FIRRM: variants seen among roughly 807,000 people sequenced by gnomAD.
FIRRM encodes FIGNL1 interacting regulator of recombination and mitosis.
chr1:169,800,193 G>A, the FIRRM span, among the ~76,000 whole-genome samples: 8 of 152,196 alleles, frequency 5.3e-5, no homozygotes, highest in South Asian at 2.1e-4. Flanking sequence ...GCTACCATGC[G>A]TGGCTAATTT....
At chr1:169,795,090 G>T in the FIRRM span, 11 of 1,534,430 alleles carry the variant, frequency 7.2e-6, no homozygotes, top group South Asian at 9.5e-5. Context: ...AAGCTCTCCT[G>T]TTTGACGAAA....
At chr1:169,815,652 C>T in the FIRRM span, among the ~76,000 whole-genome samples, 1 of 152,222 alleles carries the variant, frequency 6.6e-6, no homozygotes, top group African/African-American at 2.4e-5. Flanking sequence ...AGCTTCTCTA[C>T]TGCATGCTGT....
At chr1:169,793,663 G>C in the FIRRM span, 2 of 1,604,192 alleles carry the variant, frequency 1.2e-6, no homozygotes, top group Non-Finnish European at 1.7e-6. Flanking sequence ...TTTCCAGATG[G>C]TCTTCTATAG....
At chr1:169,852,623 T>G in the FIRRM span, 2 of 661,340 alleles carry the variant, frequency 3.0e-6, no homozygotes, top group South Asian at 2.0e-5. Context: ...CCAAAATGCC[T>G]TTACATATTT....
chr1:169,798,092 T>C, the FIRRM span, among the ~76,000 whole-genome samples: 1 of 152,064 alleles, frequency 6.6e-6, no homozygotes, highest in East Asian at 1.9e-4. Flanking sequence ...AATAGAAATG[T>C]TGAGGAAAGA....
At chr1:169,821,586 T>A in the FIRRM span, 1 of 948,030 alleles carries the variant, frequency 1.1e-6, no homozygotes, top group South Asian at 2.2e-5. Context: ...TTTTTGTTTT[T>A]GTTTTTAGAA....
At chr1:169,791,073 C>G in the FIRRM span, among the ~76,000 whole-genome samples, 7 of 152,202 alleles carry the variant, frequency 4.6e-5, no homozygotes, top group South Asian at 2.1e-4. Flanking sequence ...CGCTGCTGAT[C>G]TGACAGGAGA....
the FIRRM span, among the ~76,000 whole-genome samples, chr1:169,809,756 A>G: frequency 6.6e-6 from 1 of 152,136 alleles, no homozygotes; most frequent in African/African-American, 2.4e-5. Context: ...TGGAGCTTTG[A>G]GGTGGACTGT....
the FIRRM span, among the ~76,000 whole-genome samples, chr1:169,828,886 A>G: frequency 6.6e-6 from 1 of 152,172 alleles, no homozygotes; most frequent in Non-Finnish European, 1.5e-5. Context: ...AAATCCTCTA[A>G]GTTTCTTCAA....
chr1:169,832,685 C>T, the FIRRM span, among the ~76,000 whole-genome samples: 4 of 151,956 alleles, frequency 2.6e-5, 1 homozygote, highest in Non-Finnish European at 4.4e-5. Context: ...CTCACTGCAG[C>T]CTCGACTTCC....
At chr1:169,853,567 C>T in the FIRRM span, 2 of 786,410 alleles carry the variant, frequency 2.5e-6, no homozygotes, top group Non-Finnish European at 4.1e-6. Flanking sequence ...TCTCCTACTT[C>T]AGTTGGCACA....
the FIRRM span, among the ~76,000 whole-genome samples, chr1:169,819,183 A>G: frequency 5.3e-5 from 8 of 152,226 alleles, no homozygotes; most frequent in Non-Finnish European, 8.8e-5. Flanking sequence ...AAGGCAGTCC[A>G]ATGATTTTAC....
chr1:169,848,227 G>C, the FIRRM span, among the ~76,000 whole-genome samples: 1 of 152,068 alleles, frequency 6.6e-6, no homozygotes, highest in African/African-American at 2.4e-5. Flanking sequence ...ATGTATAGCT[G>C]ACAAATAGAT....
chr1:169,810,374 C>T, the FIRRM span, among the ~76,000 whole-genome samples: 1 of 152,152 alleles, frequency 6.6e-6, no homozygotes, highest in Admixed American at 6.5e-5. Context: ...AACTAGGTGG[C>T]TTAAAACAAT....
At chr1:169,849,438 C>T in the FIRRM span, 3 of 1,230,958 alleles carry the variant, frequency 2.4e-6, no homozygotes, top group Non-Finnish European at 3.5e-6. Flanking sequence ...GAATGTATGG[C>T]TATTTTATGA....
chr1:169,794,632 C>T, the FIRRM span: 1 of 164,058 alleles, frequency 6.1e-6, no homozygotes, highest in African/African-American at 2.4e-5. Flanking sequence ...ACAAGATTTA[C>T]AATTTGGGGG....
At chr1:169,810,360 C>T in the FIRRM span, among the ~76,000 whole-genome samples, 12 of 152,278 alleles carry the variant, frequency 7.9e-5, no homozygotes, top group South Asian at 1.7e-3. Context: ...AACAAGTTAC[C>T]ACAAACTAGG....
chr1:169,838,545 A>C, the FIRRM span, among the ~76,000 whole-genome samples: 1 of 152,034 alleles, frequency 6.6e-6, no homozygotes, highest in Non-Finnish European at 1.5e-5. Context: ...GCTAGAGTGC[A>C]GTGGCATGAT....
At chr1:169,850,405 A>T in the FIRRM span, 7 of 1,208,106 alleles carry the variant, frequency 5.8e-6, no homozygotes, top group African/African-American at 4.6e-5. Context: ...TTCCGAAATT[A>T]TGTAACTGTA....
Sources: gnomAD v4.1 joint callset for allele counts (sites outside exome capture counted in the v4.1 genomes callset) on GRCh38, gnomAD v4.1.1 for gene constraint, MANE v1.5 for transcripts, NCBI Gene and HGNC (gene_info 2026-07-23, HGNC 2026-07-21) for gene names.